IMPG2: variants seen among roughly 807,000 people sequenced by gnomAD.
IMPG2 encodes interphotoreceptor matrix proteoglycan 2, also known as IPM 200.
IMPG2 carries 91 observed loss-of-function variants against 129.2 expected under a neutral mutation model. That is an observed-to-expected ratio of 0.70 (90% CI 0.59 to 0.84). The LOEUF is 0.84. Ranked by LOEUF, IMPG2 falls within the 40% of genes least tolerant of loss-of-function variation. The probability of loss-of-function intolerance (pLI) is 0.00; values close to 1 mark genes in which losing one functional copy is unlikely to be tolerated. For missense variants in IMPG2, 1,430 were observed against 1,461.7 expected (o/e 0.98, Z 0.35); for synonymous variants, 510 against 517.7 (o/e 0.99, Z 0.20).
At chr3:101,256,144 GA>G (rs759655047) in intron 10 of IMPG2, among the ~76,000 whole-genome samples, 16 of 45,342 alleles carry the variant, frequency 3.5e-4, no homozygotes, top group Non-Finnish European at 6.1e-4. Context: ...AAGAAAGAAA[GA>G]AAAGAAAGAA....
chr3:101,270,188 C>T (rs1169699084), intron 7 of IMPG2, among the ~76,000 whole-genome samples: 1 of 152,056 alleles, frequency 6.6e-6, no homozygotes, highest in Non-Finnish European at 1.5e-5. Flanking sequence ...CCACCTGCCT[C>T]AGCCTCCCGA....
At chr3:101,231,484 T>G (rs1264119623) in intron 15 of IMPG2, among the ~76,000 whole-genome samples, 1 of 152,190 alleles carries the variant, frequency 6.6e-6, no homozygotes, top group East Asian at 1.9e-4. Context: ...ATACAATTAG[T>G]CTGCTGCAGA....
At chr3:101,241,517 A>G (rs968976424) in intron 14 of IMPG2, among the ~76,000 whole-genome samples, 4 of 152,198 alleles carry the variant, frequency 2.6e-5, no homozygotes, top group African/African-American at 4.8e-5. Flanking sequence ...ACAGCCATTC[A>G]AGAGTACCAT....
rs2107203861 is a variant in IMPG2, at chr3:101,229,381, T to G, written c.3632A>C (p.Glu1211Ala). The change falls in exon 17 of 19, where the codon GAG becomes GCG. Residue 1211 changes from glutamate to alanine, a missense_variant and splice_region_variant. Transcript: ENST00000193391. ...QMYESSELSR[E>A]EIQERMRVLE... ...CAACATAAATGCAAAGTTTCCCACC[T>G]CTCTGGAAAGCTCACTGCTCTCATA... 7.4e-7 allele frequency: 1 copy of G among 1,347,298 alleles called. No individual in the cohort carries two copies. Among genetic ancestry groups the G allele is most frequent in the Non-Finnish European group, 9.8e-7 (1 of 1,023,968 alleles). The allele number at this position is 1,347,298 out of a possible 1,614,324, so 83.5% of individuals were successfully genotyped here.
At chr3:101,319,474 CT>C in intron 2 of IMPG2, 109 bp downstream of exon 2, 1 of 1,316,748 alleles carries the variant, frequency 7.6e-7, no homozygotes, top group South Asian at 1.2e-5. Flanking sequence ...GTAGTTTTGG[CT>C]CAGTCCTGTC....
intron 3 of IMPG2, among the ~76,000 whole-genome samples, chr3:101,300,197 G>T (rs1288508455): frequency 6.6e-6 from 1 of 152,246 alleles, no homozygotes; most frequent in Non-Finnish European, 1.5e-5. Flanking sequence ...GCCACAGCTA[G>T]TGTGTTGGAC....
chr3:101,280,480 A>G (rs1706880948), intron 4 of IMPG2, among the ~76,000 whole-genome samples: 1 of 152,216 alleles, frequency 6.6e-6, no homozygotes, highest in South Asian at 2.1e-4. Flanking sequence ...TTACCCTTTA[A>G]AACAAGAACA....
chr3:101,305,856 G>T (rs1163224312), intron 2 of IMPG2, among the ~76,000 whole-genome samples: 2 of 152,144 alleles, frequency 1.3e-5, no homozygotes, highest in Non-Finnish European at 2.9e-5. Context: ...ATGTACTGCT[G>T]TTCTGTAACC....
Position 101,320,459 on chromosome 3 carries a change from A to T in IMPG2, c.-87T>A. The T allele has an allele frequency of 1.3e-6, 1 of 795,058 alleles. No homozygotes were observed. The highest frequency in any genetic ancestry group is 1.7e-5 in the African/African-American group (1 of 58,304). The allele number at this position is 795,058 out of a possible 1,614,324, so 49.3% of individuals were successfully genotyped here. On this transcript the variant is annotated 5_prime_UTR_variant, in exon 1 of 19. Coordinates refer to ENST00000193391, the MANE Select transcript of IMPG2 (RefSeq NM_016247.4). ...GAAACTTCCAATAACAAAGAGTTAT[A>T]GGAAAGACCTAACATTTAAAAGTCT...
intron 14 of IMPG2, among the ~76,000 whole-genome samples, chr3:101,242,479 A>G (rs763714953): frequency 6.6e-6 from 1 of 152,228 alleles, no homozygotes; most frequent in Non-Finnish European, 1.5e-5. Flanking sequence ...ATAATAAAGT[A>G]ACATGTTTGG....
chr3:101,248,369 T>C (rs1706506481), intron 11 of IMPG2, among the ~76,000 whole-genome samples: 1 of 152,246 alleles, frequency 6.6e-6, no homozygotes, highest in Non-Finnish European at 1.5e-5. Flanking sequence ...TGAGGCCTCC[T>C]GAGCCACATG....
At chr3:101,308,664 C>T (rs147291093) in intron 2 of IMPG2, among the ~76,000 whole-genome samples, 9,557 of 152,256 alleles carry the variant, frequency 0.063, 425 homozygotes, top group Non-Finnish European at 0.1. Context: ...TCTGACATGC[C>T]CTGAAGACAT....
intron 3 of IMPG2, among the ~76,000 whole-genome samples, chr3:101,302,932 C>A (rs955329655): frequency 2.0e-5 from 3 of 152,146 alleles, no homozygotes; most frequent in Admixed American, 6.5e-5. Flanking sequence ...CAACGTCCCC[C>A]ATTTAATAAG....
chr3:101,253,530 C>T (rs1386306910), intron 11 of IMPG2, among the ~76,000 whole-genome samples, 166 bp downstream of exon 11: 1 of 152,112 alleles, frequency 6.6e-6, no homozygotes, highest in Non-Finnish European at 1.5e-5. Flanking sequence ...TGAACCAACA[C>T]TTGGTACCCA....
At chr3:101,276,591 GTACTTGTT>G in intron 5 of IMPG2, 65 bp downstream of exon 5, 1 of 998,114 alleles carries the variant, frequency 1.0e-6, no homozygotes, top group Non-Finnish European at 1.6e-6. Flanking sequence ...TGCAAAAAAT[GTACTTGTT>G]TGTGAGCCTG....
Position 101,267,637 on chromosome 3 carries a change from A to G in IMPG2, c.888-106T>C, listed in dbSNP as rs111435283. On this transcript the variant is annotated intron_variant, in intron 8 of 18. Transcript: ENST00000193391. ...CATGTATTTCCTCTGAATTTCTTTG[A>G]AATGCTTCCTTAAATAAAAATGCTG... The G allele has an allele frequency of 5.1e-5, 48 of 945,778 alleles. No individual in the cohort carries two copies. In the African/African-American group the frequency reaches 6.7e-4, roughly 13 times the overall value. The allele number at this position is 945,778 out of a possible 1,614,324, so 58.6% of individuals were successfully genotyped here.
chr3:101,271,680 CT>C (rs1276828443), intron 7 of IMPG2, among the ~76,000 whole-genome samples: 2 of 152,200 alleles, frequency 1.3e-5, no homozygotes, highest in African/African-American at 4.8e-5. Flanking sequence ...TACATTGCCC[CT>C]GCCTCATGAT....
rs1437962449 is a variant in IMPG2, at chr3:101,244,737, G to T, written c.1594C>A (p.Pro532Thr). 2 of 1,613,978 alleles carry T rather than the reference G, an allele frequency of 1.2e-6. No individual in the cohort carries two copies. Among genetic ancestry groups the T allele is most frequent in the Non-Finnish European group, 1.7e-6 (2 of 1,179,918 alleles). ...ACAGGTTGAGTGAATGAACTTGAAGGCAATGAATCAATAGAAAGAAAATCT... is the reference window on the plus strand; with the variant it reads ...ACAGGTTGAGTGAATGAACTTGAAGTCAATGAATCAATAGAAAGAAAATCT... ...SEDFLSIDSL[P>T]SSSFTQPVPK... The change falls in exon 13 of 19, where the codon CCT becomes ACT. Residue 532 changes from proline to threonine, a missense_variant. Coordinates refer to ENST00000193391, the MANE Select transcript of IMPG2 (RefSeq NM_016247.4).
chr3:101,241,810 C>T (rs1368495168), intron 14 of IMPG2, among the ~76,000 whole-genome samples: 1 of 151,884 alleles, frequency 6.6e-6, no homozygotes, highest in Admixed American at 6.6e-5. Flanking sequence ...GGTGGATCAC[C>T]TGAGGTCAGG....
Sources: allele counts gnomAD v4.1 joint callset (sites outside exome capture counted in the v4.1 genomes callset), GRCh38; gene constraint gnomAD v4.1.1; transcripts MANE v1.5; gene names NCBI Gene and HGNC (gene_info 2026-07-23, HGNC 2026-07-21).